The following RFX4 variants were observed in gnomAD, a reference collection of about 807,000 sequenced individuals.
The protein encoded by RFX4 is transcription factor RFX4.
A neutral mutation model predicts 95.0 loss-of-function variants in RFX4; 10 were observed. The observed-to-expected ratio is 0.11, with a 90% CI of 0.06 to 0.18. The LOEUF is 0.18. RFX4 is among the 10% of genes least tolerant of loss of function. RFX4 has a pLI of 1.00. For synonymous variants in RFX4, 321 were observed against 340.7 expected, an observed-to-expected ratio of 0.94 and a Z score of 0.64; for missense variants, 640 against 922.0, an observed-to-expected ratio of 0.69 and a Z score of 3.96.
chr12:106,585,427 C>T (rs928847939), intron 1 of RFX4, among the ~76,000 whole-genome samples: 3 of 152,172 alleles, frequency 2.0e-5, no homozygotes, highest in Non-Finnish European at 2.9e-5. Flanking sequence ...CCACCCTGAA[C>T]GCAAAATCAA....
intron 15 of RFX4, 115 bp from the exon 16 acceptor site, chr12:106,747,322 T>A (rs2042914321): frequency 9.0e-7 from 1 of 1,111,394 alleles, no homozygotes; most frequent in South Asian, 1.5e-5. Flanking sequence ...CAGAGATACA[T>A]GTCTTATAAA....
rs529170481 is a variant in RFX4, at chr12:106,627,328, A to C, written c.131-12004A>C. Among the ~76,000 whole-genome samples, 3 of 152,274 alleles carry C rather than the reference A, an allele frequency of 2.0e-5. No homozygotes were observed. The South Asian group carries it at 6.2e-4, about 32-fold the overall frequency. On this transcript the variant is annotated intron_variant, in intron 2 of 17. Coordinates refer to ENST00000392842, the MANE Select transcript of RFX4 (RefSeq NM_213594.3). ...CGAGGCAGGCGGATCACTTGAGATC[A>C]GGAGTTCACAACCAGCCTGGCCATG... is the stretch of plus-strand genomic sequence containing the variant.
At chr12:106,719,838 T>C (rs2042363334) in intron 11 of RFX4, 122 bp from the exon 12 acceptor site, 3 of 740,576 alleles carry the variant, frequency 4.1e-6, no homozygotes, top group East Asian at 5.3e-5. Flanking sequence ...TGCTAAGACC[T>C]TGGAGTTTTA....
intron 7 of RFX4, among the ~76,000 whole-genome samples, chr12:106,692,155 C>CAA (rs57751037): frequency 6.7e-4 from 59 of 87,502 alleles, no homozygotes; most frequent in African/African-American, 1.8e-3. Context: ...GACTCCATCT[C>CAA]AAAAAAAAAA....
In RFX4 at chr12:106,654,223, C is replaced by G; in HGVS notation, c.192-5C>G. ...TTTTTGCTCATTGGGCGTTTATTTC[C>G]CTAGGCTGGAGGAGAACTATGAGAT... On this transcript the variant is annotated splice_region_variant and splice_polypyrimidine_tract_variant and intron_variant, in intron 3 of 17. Transcript: ENST00000392842. The G allele has an allele frequency of 1.2e-6, 2 of 1,613,874 alleles. No homozygotes were observed. The highest frequency in any genetic ancestry group is 1.7e-6 in the Non-Finnish European group (2 of 1,179,884).
chr12:106,655,424 G>A (rs967484019), intron 4 of RFX4, among the ~76,000 whole-genome samples: 6 of 152,214 alleles, frequency 3.9e-5, no homozygotes, highest in African/African-American at 1.4e-4. Flanking sequence ...AGTATTGGTA[G>A]AGACTGGCTG....
Position 106,654,342 on chromosome 12 carries a change from C to G in RFX4, c.306C>G (p.Ser102Arg). 6.2e-7 allele frequency: 1 copy of G among 1,613,952 alleles called. No homozygotes were observed. Among genetic ancestry groups the G allele is most frequent in the Non-Finnish European group, 8.5e-7 (1 of 1,179,900 alleles). ...ATACCCAACCTGTCAATGCTGCCAG[C>G]TTTGGAAAGGTGAGTCCAGCCTCAT... ...KNDTQPVNAA[S>R]FGKIIRQQFP... The change falls in exon 4 of 18, where the codon AGC becomes AGG. Residue 102 changes from serine (S) to arginine (R), a missense_variant. Around this residue, in one of 7 missense-constraint regions of RFX4, gnomAD observed 89 missense variants for 173.8 expected, o/e 0.51. Coordinates refer to ENST00000392842, the MANE Select transcript of RFX4 (RefSeq NM_213594.3).
intron 15 of RFX4, among the ~76,000 whole-genome samples, chr12:106,740,944 G>A (rs145151717): frequency 6.6e-6 from 1 of 152,288 alleles, no homozygotes; most frequent in African/African-American, 2.4e-5. Flanking sequence ...GCCTCAGGCA[G>A]CAAAGAGCTT....
chr12:106,694,009 A>G (rs1490014730), intron 7 of RFX4, among the ~76,000 whole-genome samples: 2 of 152,170 alleles, frequency 1.3e-5, no homozygotes, highest in Non-Finnish European at 2.9e-5. Flanking sequence ...AGGCTTAGAG[A>G]TATGATACTC....
chr12:106,736,322 T>C (rs1164842690), intron 15 of RFX4, among the ~76,000 whole-genome samples: 2 of 152,134 alleles, frequency 1.3e-5, no homozygotes, highest in African/African-American at 2.4e-5. Flanking sequence ...AGTATCAGTA[T>C]CTCTTGGAAA....
At chr12:106,760,549 C>T (rs2043190743) in intron 17 of RFX4, among the ~76,000 whole-genome samples, 1 of 152,094 alleles carries the variant, frequency 6.6e-6, no homozygotes, top group African/African-American at 2.4e-5. Flanking sequence ...AATTCCTATT[C>T]ATGTATCTTC....
At chr12:106,595,646 T>A (rs949973851) in intron 1 of RFX4, among the ~76,000 whole-genome samples, 2 of 152,196 alleles carry the variant, frequency 1.3e-5, no homozygotes, top group African/African-American at 4.8e-5. Flanking sequence ...CTTACACACA[T>A]CATCAAGGGC....
intron 1 of RFX4, among the ~76,000 whole-genome samples, chr12:106,596,925 C>G (rs1565943884): frequency 6.6e-6 from 1 of 152,196 alleles, no homozygotes; most frequent in Non-Finnish European, 1.5e-5. Flanking sequence ...GCATCTCTTT[C>G]CTTACTTTCT....
chr12:106,702,639 C>T lies in RFX4; in HGVS notation c.833+6193C>T, dbSNP rs143458125. Among the ~76,000 whole-genome samples the T allele has an allele frequency of 5.6e-4, 85 of 152,290 alleles. 1 individual carries two copies. Among genetic ancestry groups the T allele is most frequent in the African/African-American group, 1.9e-3 (79 of 41,572 alleles). On this transcript the variant is annotated intron_variant, in intron 8 of 17. Coordinates refer to ENST00000392842, the MANE Select transcript of RFX4 (RefSeq NM_213594.3). ...CTGTGCTTTGGATCTCAGAGTTGGG[C>T]ACTCTCAGTGATCTTGACTCATTGC...
At chr12:106,718,648 A>G (rs994012957) in intron 11 of RFX4, among the ~76,000 whole-genome samples, 1 of 152,226 alleles carries the variant, frequency 6.6e-6, no homozygotes, top group Non-Finnish European at 1.5e-5. Flanking sequence ...CTTTAAAATG[A>G]GAGAACAAAA....
intron 5 of RFX4, among the ~76,000 whole-genome samples, chr12:106,686,444 G>T (rs1177696765): frequency 6.6e-6 from 1 of 151,174 alleles, no homozygotes; most frequent in Non-Finnish European, 1.5e-5. Context: ...AAAGAAAAAA[G>T]AAAAGGAAAA....
chr12:106,664,889 C>T (rs1320972551), intron 4 of RFX4, among the ~76,000 whole-genome samples: 3 of 151,756 alleles, frequency 2.0e-5, no homozygotes, highest in East Asian at 1.9e-4. Flanking sequence ...TCTACTGTGG[C>T]CTGAGAGCAG....
At chr12:106,592,543 A>G (rs2039563468) in intron 1 of RFX4, among the ~76,000 whole-genome samples, 1 of 152,160 alleles carries the variant, frequency 6.6e-6, no homozygotes, top group East Asian at 1.9e-4. Flanking sequence ...AGGCCCCTCC[A>G]CAACTCCTGA....
chr12:106,749,547 A>T (rs2042960645), intron 16 of RFX4, among the ~76,000 whole-genome samples: 1 of 152,224 alleles, frequency 6.6e-6, no homozygotes, highest in African/African-American at 2.4e-5. Context: ...ACACATTTAG[A>T]ATAGACTCTG....
Sources: allele counts gnomAD v4.1 joint callset (sites outside exome capture counted in the v4.1 genomes callset), GRCh38; gene constraint gnomAD v4.1.1; regional missense constraint gnomAD v4.1.1; transcripts MANE v1.5; gene names NCBI Gene and HGNC (gene_info 2026-07-23, HGNC 2026-07-21).